The following LMF1 variants were observed in gnomAD, a reference collection of about 807,000 sequenced individuals.
LMF1 encodes lipase maturation factor 1.
A neutral mutation model predicts 60.6 loss-of-function variants in LMF1; 68 were observed. The observed-to-expected ratio is 1.12, with a 90% confidence interval of 0.92 to 1.37. The LOEUF (loss-of-function observed/expected upper bound fraction) is 1.37. Ranked by LOEUF, LMF1 falls within the 40% of genes most tolerant of loss-of-function variation. LMF1 has a pLI of 0.00. For missense variants in LMF1, 948 were observed against 767.2 expected (o/e 1.24, Z -2.78); for synonymous variants, 418 against 324.7 (o/e 1.29, Z -3.09).
intron 3 of LMF1, among the ~76,000 whole-genome samples, chr16:917,242 C>T (rs148696065): frequency 3.9e-5 from 6 of 152,290 alleles, no homozygotes; most frequent in East Asian, 3.9e-4. Context: ...GGTGTGGCCA[C>T]GCAGAGCACA....
In LMF1 at chr16:955,920, C is replaced by T. The variant is rs536499334; in HGVS notation, c.194-1254G>A. Among the ~76,000 whole-genome samples the T allele has an allele frequency of 2.0e-5, 3 of 152,056 alleles. No homozygotes were observed. In the East Asian group the frequency reaches 5.8e-4, roughly 29 times the overall value. The stretch of plus-strand genomic sequence containing the variant: ...GCCCTCTACGCAGACCACAGGTCTC[C>T]GAGTTCACGTCTCACGGCGCCCACC... On this transcript the variant is annotated intron_variant, in intron 1 of 10. Coordinates refer to ENST00000262301, the MANE Select transcript of LMF1 (RefSeq NM_022773.4).
Position 878,873 on chromosome 16 carries a change from A to G in LMF1, c.897+697T>C, listed in dbSNP as rs115381374. On this transcript the variant is annotated intron_variant, in intron 6 of 10. Coordinates refer to ENST00000262301, the MANE Select transcript of LMF1 (RefSeq NM_022773.4). This position sits in a 1 kb window ranked among gnomAD's most constrained non-coding sequence, Gnocchi z 5.2. ...CTGTATGTTACACCTCCATTGAAAC[A>G]ATCGAGAGAGAGAACCACCTTTAAA... 0.024 allele frequency among the ~76,000 whole-genome samples: 3,651 copies of G among 152,310 alleles called. 152 individuals carry two copies. Among genetic ancestry groups the G allele is most frequent in the African/African-American group, 0.083 (3,464 of 41,544 alleles).
At chr16:871,423 G>A in intron 6 of LMF1, 82 bp from the exon 7 acceptor site, 2 of 1,388,742 alleles carry the variant, frequency 1.4e-6, no homozygotes, top group Non-Finnish European at 2.0e-6. Context: ...CCTGGAGCAG[G>A]GAGGGGGGAG....
chr16:871,058 T>C, intron 7 of LMF1, 103 bp downstream of exon 7: 5 of 1,412,792 alleles, frequency 3.5e-6, no homozygotes, highest in Non-Finnish European at 4.7e-6. Context: ...GCGCTGACTC[T>C]CCTCCTACCC....
intron 5 of LMF1, among the ~76,000 whole-genome samples, chr16:885,756 T>C (rs1465940556): frequency 6.6e-6 from 1 of 152,202 alleles, no homozygotes; most frequent in Non-Finnish European, 1.5e-5. Context: ...TAAGCAGACA[T>C]AGAGAAATCC....
At chr16:856,122 C>T (rs1378708439) in intron 10 of LMF1, 4 of 372,574 alleles carry the variant, frequency 1.1e-5, no homozygotes, top group South Asian at 4.0e-5. Context: ...ACCTCCCGGG[C>T]AGCCAAGACT....
Position 962,960 on chromosome 16 carries a change from G to A in LMF1, c.193+7828C>T, listed in dbSNP as rs2072843387. On this transcript the variant is annotated intron_variant, in intron 1 of 10. Transcript: ENST00000262301. This position sits in a 1 kb window ranked among gnomAD's most constrained non-coding sequence, Gnocchi z 4.5. ...AGAGCACCGCAGGGCCCTGGGCGAC[G>A]AAAGGGTCAGGGCTGGTGACCTCTA... 6.6e-6 allele frequency among the ~76,000 whole-genome samples: 1 copy of A among 152,178 alleles called. No homozygotes were observed. Among genetic ancestry groups the A allele is most frequent in the Non-Finnish European group, 1.5e-5 (1 of 68,028 alleles).
chr16:869,510 C>T (rs1048374334), intron 9 of LMF1: 8 of 554,304 alleles, frequency 1.4e-5, no homozygotes, highest in East Asian at 4.4e-5. Flanking sequence ...TTTGAGGCTG[C>T]AGCGGTTGGG....
At chr16:972,633 C>A (rs563960233), upstream of LMF1, among the ~76,000 whole-genome samples, 3 of 152,228 alleles carry the variant, frequency 2.0e-5, no homozygotes, top group Admixed American at 6.5e-5. Context: ...GACTGCCCTG[C>A]GTCAGGTGTG....
At chr16:887,779 G>A (rs547665009) in intron 5 of LMF1, among the ~76,000 whole-genome samples, 1 of 152,126 alleles carries the variant, frequency 6.6e-6, no homozygotes, top group South Asian at 2.1e-4. Flanking sequence ...GAGTCAGGGT[G>A]CAGACAGTGA....
chr16:860,519 T>C (rs2069429864), intron 10 of LMF1, among the ~76,000 whole-genome samples: 1 of 152,106 alleles, frequency 6.6e-6, no homozygotes, highest in Admixed American at 6.5e-5. Context: ...TTTTGTGTTT[T>C]TAGTAGAGAC....
chr16:909,111 A>C (rs1399245579), intron 4 of LMF1, among the ~76,000 whole-genome samples: 1 of 152,178 alleles, frequency 6.6e-6, no homozygotes, highest in African/African-American at 2.4e-5. Context: ...CAGAAAAGGA[A>C]TAAAGGGAAT....
intron 3 of LMF1, among the ~76,000 whole-genome samples, chr16:911,441 C>T (rs543815249): frequency 6.6e-6 from 1 of 152,092 alleles, no homozygotes; most frequent in South Asian, 2.1e-4. Context: ...TTGGGGGAAG[C>T]TTTTCCCCTC....
At chr16:978,822 G>A (rs2073251935) in intron 1 of LMF1, among the ~76,000 whole-genome samples, 1 of 151,988 alleles carries the variant, frequency 6.6e-6, no homozygotes, top group Non-Finnish European at 1.5e-5. Flanking sequence ...CTCAGAGGTG[G>A]CTCTGATGGC....
At chr16:888,605 C>T (rs191319894) in intron 5 of LMF1, among the ~76,000 whole-genome samples, 107 of 152,324 alleles carry the variant, frequency 7.0e-4, no homozygotes, top group Non-Finnish European at 1.0e-3. Context: ...CTGTTGCATC[C>T]GCGTCGTCAG....
chr16:952,603 G>A (rs894692395), intron 2 of LMF1: 1 of 153,502 alleles, frequency 6.5e-6, no homozygotes, highest in South Asian at 2.0e-4. Context: ...CCTGGGACAG[G>A]GTCCTGGTTC....
chr16:921,139 C>T (rs2071419724), intron 3 of LMF1: 1 of 152,278 alleles, frequency 6.6e-6, no homozygotes, highest in Admixed American at 6.5e-5. Flanking sequence ...AAAACAAAGA[C>T]CATTTTCTTC....
At chr16:963,536 C>T (rs1054069046) in intron 1 of LMF1, among the ~76,000 whole-genome samples, 7 of 152,048 alleles carry the variant, frequency 4.6e-5, no homozygotes, top group South Asian at 4.1e-4. Context: ...TGCAGGGATG[C>T]ATGTGTGTAT....
intron 3 of LMF1, among the ~76,000 whole-genome samples, chr16:923,921 G>T (rs2080755018): frequency 6.6e-6 from 1 of 152,184 alleles, no homozygotes; most frequent in Non-Finnish European, 1.5e-5. Flanking sequence ...TTGACCAGTT[G>T]TGCTGGTAAA....
Sources: gnomAD v4.1 joint callset for allele counts (sites outside exome capture counted in the v4.1 genomes callset) on GRCh38, gnomAD v4.1.1 for gene constraint, Gnocchi (gnomAD v3.1) non-coding constraint, MANE v1.5 for transcripts, NCBI Gene and HGNC (gene_info 2026-07-23, HGNC 2026-07-21) for gene names.